Variants in KIF19 observed in about 807,000 individuals in gnomAD.
KIF19 encodes kinesin family member 19.
In KIF19, 98 loss-of-function variants were observed where a neutral mutation model predicts 106.6. That is an observed-to-expected ratio of 0.92 (90% CI 0.78 to 1.09). The LOEUF (loss-of-function observed/expected upper bound fraction) is 1.09. KIF19 is among the 50% of genes least tolerant of loss of function. KIF19 has a pLI of 0.00. For missense variants in KIF19, 1,373 were observed against 1,414.3 expected, an observed-to-expected ratio of 0.97 and a Z score of 0.47; for synonymous variants, 516 against 584.2, an observed-to-expected ratio of 0.88 and a Z score of 1.68.
At chr17:74,339,034 A>G (rs2054289090) in intron 2 of KIF19, among the ~76,000 whole-genome samples, 1 of 151,884 alleles carries the variant, frequency 6.6e-6, no homozygotes, top group South Asian at 2.1e-4. Context: ...CACCCTCCTC[A>G]GTACCCTGCC....
At chr17:74,345,559 C>T (rs917376287) in intron 7 of KIF19, among the ~76,000 whole-genome samples, 1 of 152,166 alleles carries the variant, frequency 6.6e-6, no homozygotes, top group African/African-American at 2.4e-5. Context: ...GCCTTGGTGG[C>T]AGCACCACCC....
At position 74,344,847 on chromosome 17, in the gene KIF19, A is replaced by G. The variant is rs2144261417; in HGVS notation, c.669A>G (p.Val223=). Residue 223 remains valine (V), a synonymous_variant, in exon 7 of 20, where the codon GTA becomes GTG. Coordinates refer to ENST00000389916, the MANE Select transcript of KIF19 (RefSeq NM_153209.4). ...AGACGTCCTCCCGCTCCCACGCGGTACTGCAGGTGACCGTGCGCCAGCGCA... is the reference window on the plus strand; with the variant it reads ...AGACGTCCTCCCGCTCCCACGCGGTGCTGCAGGTGACCGTGCGCCAGCGCA... ...ANQTSSRSHA[V]LQVTVRQRSR... The G allele has an allele frequency of 6.2e-7, 1 of 1,612,844 alleles. No homozygotes were observed. The highest frequency in any genetic ancestry group is 8.5e-7 in the Non-Finnish European group (1 of 1,179,828).
intron 1 of KIF19, among the ~76,000 whole-genome samples, chr17:74,327,951 G>A (rs1396296859): frequency 2.6e-5 from 4 of 152,208 alleles, no homozygotes; most frequent in African/African-American, 9.7e-5. Context: ...GGGCGCTCTA[G>A]GTGACACTCT....
intron 7 of KIF19, among the ~76,000 whole-genome samples, chr17:74,345,480 C>T (rs909663353): frequency 6.6e-6 from 1 of 152,126 alleles, no homozygotes; most frequent in African/African-American, 2.4e-5. Context: ...TTTGTCCCCT[C>T]TCATGAAGCT....
intron 4 of KIF19, 43 bp from the exon 5 acceptor site, chr17:74,342,978 CCCT>C: frequency 8.5e-6 from 11 of 1,286,950 alleles, no homozygotes; most frequent in Non-Finnish European, 1.2e-5. Context: ...AGCAAGGCCT[CCCT>C]CCCAGCCCCA....
rs2054720538 is a variant in KIF19 at position 74,351,997 on chromosome 17, A to T, written c.1718A>T (p.Glu573Val). The T allele has an allele frequency of 6.5e-7, 1 of 1,545,792 alleles. No individual in the cohort carries two copies. Among genetic ancestry groups the T allele is most frequent in the Non-Finnish European group, 8.7e-7 (1 of 1,154,126 alleles). Reference protein sequence around the residue: ...LSLLCRVHELEVENTEMQSHA... With the variant: ...LSLLCRVHELVVENTEMQSHA... ...CTGCTGTGCCGCGTGCACGAGCTCG[A>T]GGTGGAGAACACCGAGATGCAGTCG... The change falls in exon 13 of 20, where the codon GAG (glutamate) becomes GTG (valine). Residue 573 changes from glutamate (E) to valine (V), a missense_variant. Physicochemically the swap from Glu to Val is moderately radical, Grantham distance 121 (BLOSUM62 -2). Transcript: ENST00000389916.
At position 74,354,392 on chromosome 17, in the gene KIF19, TC is replaced by T; in HGVS notation, c.2541del (p.Ser848AlafsTer182). 6.2e-7 allele frequency: 1 copy of T among 1,610,604 alleles called. No homozygotes were observed. The highest frequency in any genetic ancestry group is 8.5e-7 in the Non-Finnish European group (1 of 1,179,040). On this transcript the variant is annotated frameshift_variant, in exon 18 of 20. Transcript: ENST00000389916. LOFTEE classifies it high-confidence loss of function. ...GCATGCTGCCAGTGAGGACAACCTGTCCAGCAGCACGGGCGAGGCCCCGTCC... is the reference window on the plus strand; with the variant it reads ...GCATGCTGCCAGTGAGGACAACCTGTCAGCAGCACGGGCGAGGCCCCGTCC... Reference protein sequence around the residue: ...LQHAASEDNLSSSTGEAPSRA... With the variant: ...LQHAASEDNLXSSTGEAPSRA...
At position 74,349,696 on chromosome 17, in the gene KIF19, G is replaced by A. The variant is rs536952275; in HGVS notation, c.1213+347G>A. On this transcript the variant is annotated intron_variant, in intron 10 of 19. Coordinates refer to ENST00000389916, the MANE Select transcript of KIF19 (RefSeq NM_153209.4). ...TGCCTGCACCCCCGGAATGGGCTCC[G>A]TTTCCTTGTAGACCTGCATATTTGC... Among the ~76,000 whole-genome samples, 7 of 152,278 alleles carry A rather than the reference G, an allele frequency of 4.6e-5. No homozygotes were observed. In the South Asian group the frequency reaches 8.3e-4, roughly 18 times the overall value.
chr17:74,341,293 G>A (rs2054366406), intron 2 of KIF19, among the ~76,000 whole-genome samples: 1 of 152,182 alleles, frequency 6.6e-6, no homozygotes, highest in Non-Finnish European at 1.5e-5. Context: ...ACTCCAGCCT[G>A]GGCAACGAGC....
At position 74,328,425 on chromosome 17, in the gene KIF19, G is replaced by C; in HGVS notation, c.40G>C (p.Val14Leu). 6.2e-7 allele frequency: 1 copy of C among 1,605,790 alleles called. No homozygotes were observed. Among genetic ancestry groups the C allele is most frequent in the Non-Finnish European group, 8.5e-7 (1 of 1,177,088 alleles). ...SGDSKDQQLM[V>L]ALRVRPISVA... ...CCAGGGGCTTGGTTTTCCCTCCCAG[G>C]TGGCGCTTCGGGTCCGGCCCATCAG... The change falls in exon 2 of 20, where the codon GTG becomes CTG. Residue 14 changes from valine to leucine, a missense_variant and splice_region_variant. Coordinates refer to ENST00000389916, the MANE Select transcript of KIF19 (RefSeq NM_153209.4).
In KIF19 at chr17:74,350,786, GAGA is replaced by G. The variant is rs754282174; in HGVS notation, c.1471_1473del (p.Lys491del). On this transcript the variant is annotated inframe_deletion, in exon 12 of 20. Coordinates refer to ENST00000389916, the MANE Select transcript of KIF19 (RefSeq NM_153209.4). Reference sequence around the variant, plus strand: ...GGAGTGCTACGCTAAGGACGACAGCGAGAAGGACTCAGACACAGGTGATGACCA... The same window carrying G: ...GGAGTGCTACGCTAAGGACGACAGCGAGGACTCAGACACAGGTGATGACCA... The G allele has an allele frequency of 2.0e-5, 33 of 1,614,036 alleles. No homozygotes were observed. In the East Asian group the frequency reaches 6.9e-4, roughly 34 times the overall value.
chr17:74,337,742 C>T (rs2054258062), intron 2 of KIF19, among the ~76,000 whole-genome samples: 1 of 152,222 alleles, frequency 6.6e-6, no homozygotes. Context: ...CCTCCTTTTG[C>T]ACTCTGTCCC....
chr17:74,342,667 A>T lies in KIF19; in HGVS notation c.269A>T (p.Glu90Val). 2 of 1,613,350 alleles carry T rather than the reference A, an allele frequency of 1.2e-6. No individual in the cohort carries two copies. The highest frequency in any genetic ancestry group is 1.7e-6 in the Non-Finnish European group (2 of 1,179,744). ...VYQATTKSLI[E>V]GVISGYNATV... ...CAGGCCACCACCAAGAGCCTCATCG[A>T]GGGCGTCATCTCAGGCTACAATGCC... Residue 90 changes from glutamate to valine, a missense_variant, in exon 4 of 20, where the codon GAG becomes GTG. Coordinates refer to ENST00000389916, the MANE Select transcript of KIF19 (RefSeq NM_153209.4).
In KIF19 at chr17:74,354,822, C is replaced by G; in HGVS notation, c.2747C>G (p.Ala916Gly). The G allele has an allele frequency of 1.3e-6, 2 of 1,560,102 alleles. No homozygotes were observed. Among genetic ancestry groups the G allele is most frequent in the Non-Finnish European group, 1.7e-6 (2 of 1,152,252 alleles). Residue 916 changes from alanine to glycine, a missense_variant, in exon 19 of 20, where the codon GCG becomes GGG. Around this residue, in one of 3 missense-constraint regions of KIF19, gnomAD observed 1,020 missense variants for 1,008.2 expected, o/e 1.01. Coordinates refer to ENST00000389916, the MANE Select transcript of KIF19 (RefSeq NM_153209.4). ...ACACACCTCCTGGGGCCCCATCAGG[C>G]GGAGCGCATCTCGGACCACAGGATG... Reference protein sequence around the residue: ...PKTHLLGPHQAERISDHRMPV... With the variant: ...PKTHLLGPHQGERISDHRMPV...
chr17:74,340,826 G>C (rs368207112), intron 2 of KIF19, among the ~76,000 whole-genome samples: 2 of 152,356 alleles, frequency 1.3e-5, no homozygotes, highest in African/African-American at 4.8e-5. Flanking sequence ...TCTGTCCCAG[G>C]CTCTGCCCTG....
Position 74,341,979 on chromosome 17 carries a change from C to T in KIF19, c.224C>T (p.Ala75Val). The change falls in exon 3 of 20, where the codon GCC becomes GTC. Residue 75 changes from alanine (A) to valine (V), a missense_variant. This residue lies in a region of KIF19 where 348 missense variants were observed against 389.5 expected (regional missense o/e 0.89). Coordinates refer to ENST00000389916, the MANE Select transcript of KIF19 (RefSeq NM_153209.4). ...YLFDVAFDFT[A>V]TQEMVYQATT... is the part of the protein sequence containing the mutation. ...TTCGACGTGGCCTTTGACTTCACCGCCACCCAGGTGAGGGAGGGCCTGGGC... is the reference window on the plus strand; with the variant it reads ...TTCGACGTGGCCTTTGACTTCACCGTCACCCAGGTGAGGGAGGGCCTGGGC... 1.2e-6 allele frequency: 2 copies of T among 1,611,626 alleles called. No homozygotes were observed. The highest frequency in any genetic ancestry group is 1.7e-6 in the Non-Finnish European group (2 of 1,178,402).
At position 74,354,897 on chromosome 17, in the gene KIF19, C is replaced by T. The variant is rs759984334; in HGVS notation, c.2822C>T (p.Thr941Met). ...APGIRHLGKV[T>M]LPLAKVKLPP... Reference sequence around the variant, plus strand: ...GGTATCCGGCATCTGGGAAAGGTCACGCTACCTTTGGCCAAAGTCAAACTC... The same window carrying T: ...GGTATCCGGCATCTGGGAAAGGTCATGCTACCTTTGGCCAAAGTCAAACTC... Residue 941 changes from threonine to methionine, a missense_variant, in exon 19 of 20, where the codon ACG becomes ATG. Coordinates refer to ENST00000389916, the MANE Select transcript of KIF19 (RefSeq NM_153209.4). 7.0e-6 allele frequency: 11 copies of T among 1,572,198 alleles called. No individual in the cohort carries two copies. Among genetic ancestry groups the T allele is most frequent in the African/African-American group, 5.4e-5 (4 of 73,970 alleles).
chr17:74,354,854 T>C lies in KIF19; in HGVS notation c.2779T>C (p.Cys927Arg). The C allele has an allele frequency of 6.4e-7, 1 of 1,563,444 alleles. No homozygotes were observed. ...CATCTCGGACCACAGGATGCCAGTG[T>C]GCAGGCACCCAGCCCCTGGTATCCG... is the stretch of plus-strand genomic sequence containing the variant. Reference protein sequence around the residue: ...ERISDHRMPVCRHPAPGIRHL... With the variant: ...ERISDHRMPVRRHPAPGIRHL... Residue 927 changes from cysteine (C) to arginine (R), a missense_variant, in exon 19 of 20, where the codon TGC becomes CGC. Transcript: ENST00000389916.
chr17:74,332,179 A>AGTGTGTGTGTGT (rs1270595840), intron 2 of KIF19, among the ~76,000 whole-genome samples: 9 of 117,796 alleles, frequency 7.6e-5, no homozygotes, highest in East Asian at 2.3e-4. Context: ...TGAACACCTC[A>AGTGTGTGTGTGT]GTGTGTGTGT....
Sources: allele counts gnomAD v4.1 joint callset (sites outside exome capture counted in the v4.1 genomes callset), GRCh38; gene constraint gnomAD v4.1.1; regional missense constraint gnomAD v4.1.1; transcripts MANE v1.5; gene names NCBI Gene and HGNC (gene_info 2026-07-23, HGNC 2026-07-21).